Variants in NUAK1 observed in about 807,000 individuals in gnomAD.
NUAK1 encodes NUAK family kinase 1.
NUAK1 carries 26 observed loss-of-function variants against 56.9 expected under a neutral mutation model. The ratio of observed to expected loss-of-function variants is 0.46; its 90% CI spans 0.33 to 0.63. NUAK1 has a LOEUF of 0.63. Ranked by LOEUF, NUAK1 falls within the 30% of genes least tolerant of loss-of-function variation. The pLI is 0.02. For synonymous variants in NUAK1, 337 were observed against 336.0 expected (o/e 1.00, Z -0.03); for missense variants, 727 against 876.1 (o/e 0.83, Z 2.15).
intron 2 of NUAK1, among the ~76,000 whole-genome samples, chr12:106,097,272 G>C (rs1458906648): frequency 6.6e-6 from 1 of 152,170 alleles, no homozygotes; most frequent in Admixed American, 6.5e-5. Flanking sequence ...CTACGTGGAT[G>C]ACAAATTTAT....
chr12:106,121,148 C>T (rs76587548), intron 1 of NUAK1, among the ~76,000 whole-genome samples: 2,448 of 152,248 alleles, frequency 0.016, 62 homozygotes, highest in African/African-American at 0.053. Context: ...CAGGCAGACC[C>T]GAGCTTTTAA....
chr12:106,071,334 G>A (rs2032405332), intron 5 of NUAK1, among the ~76,000 whole-genome samples: 2 of 152,164 alleles, frequency 1.3e-5, no homozygotes, highest in African/African-American at 4.8e-5. Context: ...CCTAATCCAG[G>A]AATCAATTCC....
intron 1 of NUAK1, among the ~76,000 whole-genome samples, chr12:106,113,305 G>A (rs2136475298): frequency 1.3e-5 from 2 of 152,218 alleles, no homozygotes; most frequent in Middle Eastern, 6.8e-3. Flanking sequence ...ATAGCAAAAA[G>A]GCCACCGGAA....
chr12:106,069,981 A>T (rs1418890124), intron 6 of NUAK1, among the ~76,000 whole-genome samples: 1 of 152,182 alleles, frequency 6.6e-6, no homozygotes, highest in Non-Finnish European at 1.5e-5. Flanking sequence ...GATGTGACAC[A>T]ATCTGGGTAC....
rs140461282 is a variant in NUAK1, at chr12:106,073,470, C to A, written c.580-627G>T. Among the ~76,000 whole-genome samples, 279 of 152,258 alleles carry A rather than the reference C, an allele frequency of 1.8e-3. 3 individuals are homozygous for A. Among genetic ancestry groups the A allele is most frequent in the East Asian group, 2.9e-3 (15 of 5,178 alleles). On this transcript the variant is annotated intron_variant, in intron 4 of 6. Coordinates refer to ENST00000261402, the MANE Select transcript of NUAK1 (RefSeq NM_014840.3). ...TCTGCTCCTATCTGTCACTTAATGA[C>A]CTTGAGCCTCAGTTTACCCACCAGA... is the stretch of plus-strand genomic sequence containing the variant.
chr12:106,092,825 G>T (rs557416019), intron 2 of NUAK1, among the ~76,000 whole-genome samples: 2 of 152,134 alleles, frequency 1.3e-5, no homozygotes, highest in African/African-American at 4.8e-5. Context: ...GCATGTTCTC[G>T]CCATGACTCT....
At position 106,137,666 on chromosome 12, in the gene NUAK1, G is replaced by A. The variant is rs920974521; in HGVS notation, c.240+748C>T. On this transcript the variant is annotated intron_variant, in intron 1 of 6. Coordinates refer to ENST00000261402, the MANE Select transcript of NUAK1 (RefSeq NM_014840.3). ...CAGGGTGTCAGCTGTCACAAGAGCA[G>A]CGGGGCCAGACCCCTTCAGCGGTTT... Among the ~76,000 whole-genome samples, 3 of 152,254 alleles carry A rather than the reference G, an allele frequency of 2.0e-5. No individual in the cohort carries two copies. The East Asian group carries it at 5.8e-4, about 29-fold the overall frequency.
intron 4 of NUAK1, among the ~76,000 whole-genome samples, chr12:106,078,024 C>T (rs1028832282): frequency 5.3e-5 from 8 of 152,170 alleles, no homozygotes; most frequent in Admixed American, 4.6e-4. Flanking sequence ...ATTGCAATAC[C>T]GCCAATCACT....
chr12:106,106,862 A>G (rs575852853), intron 1 of NUAK1, among the ~76,000 whole-genome samples: 1 of 152,350 alleles, frequency 6.6e-6, no homozygotes, highest in Non-Finnish European at 1.5e-5. Flanking sequence ...AAAAAAGAAA[A>G]AAAGGCAAGT....
intron 4 of NUAK1, among the ~76,000 whole-genome samples, chr12:106,075,335 C>T (rs1375974160): frequency 9.1e-6 from 1 of 110,342 alleles, no homozygotes; most frequent in Non-Finnish European, 2.0e-5. Flanking sequence ...AGAGAGAGAG[C>T]GTTCTCAGAT....
In NUAK1 at chr12:106,067,972, A is replaced by G; in HGVS notation, c.833-17T>C. On this transcript the variant is annotated splice_polypyrimidine_tract_variant and intron_variant, in intron 6 of 6. Coordinates refer to ENST00000261402, the MANE Select transcript of NUAK1 (RefSeq NM_014840.3). This position sits in a 1 kb window ranked among gnomAD's most constrained non-coding sequence, Gnocchi z 6.0. The stretch of plus-strand genomic sequence containing the variant: ...CTCGAGCATCTAAGGGACAAGGGAC[A>G]AAAAGAATCGGGCATTATGTGGGAG... The G allele has an allele frequency of 6.3e-7, 1 of 1,582,100 alleles. No homozygotes were observed. The highest frequency in any genetic ancestry group is 2.2e-5 in the East Asian group (1 of 44,530).
At chr12:106,133,525 C>G (rs1179669758) in intron 1 of NUAK1, among the ~76,000 whole-genome samples, 2 of 152,196 alleles carry the variant, frequency 1.3e-5, no homozygotes, top group Non-Finnish European at 1.5e-5. Flanking sequence ...CACCATCCAG[C>G]TGTCTGACCC....
At position 106,067,027 on chromosome 12, in the gene NUAK1, A is replaced by T; in HGVS notation, c.1761T>A (p.Asp587Glu). 1 of 1,614,208 alleles carries T rather than the reference A, an allele frequency of 6.2e-7. No individual in the cohort carries two copies. Among genetic ancestry groups the T allele is most frequent in the South Asian group, 1.1e-5 (1 of 91,088 alleles). ...GGCGGGCAGGGCGATTCTCCTGCAA[A>T]TCCAGCAAGTCAAAAGAGTCGCTGG... ...VLSSDSFDLL[D>E]LQENRPARQR... Residue 587 changes from aspartate to glutamate, a missense_variant, in exon 7 of 7, where the codon GAT becomes GAA. Physicochemically the swap from Asp to Glu is conservative, Grantham distance 45. Coordinates refer to ENST00000261402, the MANE Select transcript of NUAK1 (RefSeq NM_014840.3). This position sits in a 1 kb window ranked among gnomAD's most constrained non-coding sequence, Gnocchi z 6.0.
At chr12:106,096,042 C>T in intron 2 of NUAK1, among the ~76,000 whole-genome samples, 1 of 152,216 alleles carries the variant, frequency 6.6e-6, no homozygotes, top group Non-Finnish European at 1.5e-5. Context: ...ATTGTGGAGG[C>T]CCCTCTTCTG....
chr12:106,119,044 A>G (rs1301272316), intron 1 of NUAK1, among the ~76,000 whole-genome samples: 2 of 152,214 alleles, frequency 1.3e-5, no homozygotes, highest in Non-Finnish European at 2.9e-5. Context: ...GTTCCAACAG[A>G]GACTGGGTCT....
intron 5 of NUAK1, among the ~76,000 whole-genome samples, chr12:106,071,179 T>A (rs2032403224): frequency 6.6e-6 from 1 of 152,208 alleles, no homozygotes; most frequent in Non-Finnish European, 1.5e-5. Flanking sequence ...TAATCCTCAC[T>A]ACAATTTTGT....
chr12:106,067,647 C>A lies in NUAK1; in HGVS notation c.1141G>T (p.Gly381Cys), dbSNP rs2032358048. 1 of 1,614,222 alleles carries A rather than the reference C, an allele frequency of 6.2e-7. No individual in the cohort carries two copies. The stretch of plus-strand genomic sequence containing the variant: ...GGGCTTTCAGGCACTGCATCCTGAC[C>A]AGACTGAGCAAAGTCATTCTCTTTC... ...SKKENDFAQSGQDAVPESPSK... is the reference protein window; with the variant it reads ...SKKENDFAQSCQDAVPESPSK... Residue 381 changes from glycine (G) to cysteine (C), a missense_variant, in exon 7 of 7, where the codon GGT (glycine) becomes TGT (cysteine). Gly to Cys is a radical substitution (Grantham distance 159). Transcript: ENST00000261402. The surrounding 1 kb of genome is among the most constrained non-coding windows in gnomAD (Gnocchi z 6.0).
Position 106,064,448 on chromosome 12 carries a change from T to G in NUAK1, c.*2354A>C, listed in dbSNP as rs1316122961. On this transcript the variant is annotated 3_prime_UTR_variant, in exon 7 of 7. Transcript: ENST00000261402. ...GTCTCTGCCTCTGAGTGGAGGACTT[T>G]CTCTGCCACAGTCCACTGGCTGAGT... 1 of 152,270 alleles carries G rather than the reference T, an allele frequency of 6.6e-6. No individual in the cohort carries two copies. The highest frequency in any genetic ancestry group is 1.5e-5 in the Non-Finnish European group (1 of 68,072). 9.4% of individuals were successfully genotyped at this position (152,270 alleles called of 1,614,324 possible). A position where few individuals can be genotyped will look rare whatever the true frequency, so the allele number is the denominator to read the frequency against.
chr12:106,087,587 T>C (rs755275696), intron 2 of NUAK1, among the ~76,000 whole-genome samples: 1 of 152,210 alleles, frequency 6.6e-6, no homozygotes, highest in African/African-American at 2.4e-5. Flanking sequence ...TCAAACTACA[T>C]AAAGGCATTT....
Sources: gnomAD v4.1 joint callset for allele counts (sites outside exome capture counted in the v4.1 genomes callset) on GRCh38, gnomAD v4.1.1 for gene constraint, Gnocchi (gnomAD v3.1) non-coding constraint, MANE v1.5 for transcripts, NCBI Gene and HGNC (gene_info 2026-07-23, HGNC 2026-07-21) for gene names.